The following PLA2G2C variants were observed in gnomAD, a reference collection of about 807,000 sequenced individuals.
PLA2G2C encodes phospholipase A2 group IIC, also known as putative inactive group IIC secretory phospholipase A2.
Under a neutral mutation model 14.3 loss-of-function variants are expected in PLA2G2C, and 15 were observed. That is an observed-to-expected ratio of 1.05 (90% CI 0.70 to 1.62). The LOEUF (loss-of-function observed/expected upper bound fraction) is 1.62. Among genes scored for constraint, PLA2G2C ranks in the 40% most tolerant of loss-of-function variants. PLA2G2C has a pLI of 0.00. For synonymous variants in PLA2G2C, 79 were observed against 67.7 expected (o/e 1.17, Z -0.82); for missense variants, 162 against 173.2 (o/e 0.94, Z 0.36).
intron 1 of PLA2G2C, chr1:20,184,209 AC>A (rs1209644640): frequency 6.6e-6 from 1 of 152,262 alleles, no homozygotes; most frequent in African/African-American, 2.4e-5. Flanking sequence ...ACACACACAC[AC>A]ACACACACAC....
At chr1:20,181,487 T>G (rs2018278409) in intron 1 of PLA2G2C, among the ~76,000 whole-genome samples, 1 of 151,784 alleles carries the variant, frequency 6.6e-6, no homozygotes, top group South Asian at 2.1e-4. Flanking sequence ...TAACCCCAGG[T>G]GCGTCTGACT....
At chr1:20,172,375 A>C (rs189194290) in intron 4 of PLA2G2C, among the ~76,000 whole-genome samples, 10 of 152,106 alleles carry the variant, frequency 6.6e-5, no homozygotes, top group Non-Finnish European at 2.9e-5. Context: ...CCCTGGCAGC[A>C]CCTATCTTAG....
chr1:20,175,865 C>T (rs113963081), intron 2 of PLA2G2C, among the ~76,000 whole-genome samples: 9 of 151,800 alleles, frequency 5.9e-5, no homozygotes, highest in African/African-American at 1.7e-4. Context: ...TACACGTCTC[C>T]GCTGTCTCAT....
At chr1:20,177,550 T>C (rs2018208434) in intron 1 of PLA2G2C, 111 bp from the exon 2 acceptor site, 3 of 442,662 alleles carry the variant, frequency 6.8e-6, no homozygotes. Flanking sequence ...CATTTTCAAA[T>C]CTCATTCCCT....
At chr1:20,166,869 T>C (rs897370374) in intron 4 of PLA2G2C, among the ~76,000 whole-genome samples, 37 of 152,212 alleles carry the variant, frequency 2.4e-4, no homozygotes, top group Non-Finnish European at 8.8e-5. Flanking sequence ...GTCACTTCTG[T>C]GGCATTCCTC....
chr1:20,182,660 T>C (rs939799051), intron 1 of PLA2G2C, among the ~76,000 whole-genome samples: 1 of 152,234 alleles, frequency 6.6e-6, no homozygotes, highest in African/African-American at 2.4e-5. Context: ...ACAGGAGCCA[T>C]GACTAACTGC....
intron 4 of PLA2G2C, among the ~76,000 whole-genome samples, chr1:20,170,789 G>A (rs1014637516): frequency 2.1e-5 from 3 of 143,190 alleles, no homozygotes; most frequent in African/African-American, 7.9e-5. Context: ...CCCTGGTCAA[G>A]GCTTCAGGAG....
chr1:20,184,951 CA>C (rs2018341587), intron 1 of PLA2G2C, among the ~76,000 whole-genome samples: 1 of 151,948 alleles, frequency 6.6e-6, no homozygotes, highest in East Asian at 1.9e-4. Context: ...CCCAAGACTT[CA>C]AGACCACCCT....
Position 20,176,673 on chromosome 1 carries a change from G to A in PLA2G2C, c.40+651C>T, listed in dbSNP as rs147538874. ...CAAAGTGTAAATTCCACCACTCACT[G>A]TGGGGAAAGGAAGTCTGTTTTTGAC... On this transcript the variant is annotated intron_variant, in intron 2 of 4. Transcript: ENST00000679259. Among the ~76,000 whole-genome samples the A allele has an allele frequency of 3.8e-3, 576 of 152,352 alleles. 3 individuals carry two copies. Among genetic ancestry groups the A allele is most frequent in the Non-Finnish European group, 7.0e-3 (478 of 68,030 alleles).
intron 4 of PLA2G2C, among the ~76,000 whole-genome samples, chr1:20,171,585 G>A (rs183918099): frequency 8.5e-5 from 13 of 152,158 alleles, no homozygotes; most frequent in East Asian, 1.9e-4. Context: ...TGTATCTCCC[G>A]CCATAGGGGA....
chr1:20,184,106 GGTACTGCTGACGTTAACTGCAT>G (rs1269989526), intron 1 of PLA2G2C: 2 of 152,250 alleles, frequency 1.3e-5, no homozygotes, highest in African/African-American at 4.8e-5. Flanking sequence ...GCAAAAGGCA[GGTACTGCTGACGTTAACTGCAT>G]GTACTGCTGA....
chr1:20,165,529 T>C (rs1481224394), intron 4 of PLA2G2C, among the ~76,000 whole-genome samples: 1 of 152,164 alleles, frequency 6.6e-6, no homozygotes, highest in Non-Finnish European at 1.5e-5. Context: ...ATAGAATCCA[T>C]GAATGAAGAA....
intron 4 of PLA2G2C, among the ~76,000 whole-genome samples, chr1:20,170,251 C>T (rs1314455706): frequency 6.6e-6 from 1 of 152,228 alleles, no homozygotes; most frequent in Non-Finnish European, 1.5e-5. Context: ...ACAACTCCGG[C>T]CAGACGGTAT....
At chr1:20,185,928 GGCAATCCACTCCAGGCTC>G (rs1219912522) in intron 1 of PLA2G2C, among the ~76,000 whole-genome samples, 1 of 152,208 alleles carries the variant, frequency 6.6e-6, no homozygotes, top group African/African-American at 2.4e-5. Flanking sequence ...CTCCAGGCCA[GGCAATCCACTCCAGGCTC>G]GCAATCCACC....
At chr1:20,174,589 C>G (rs141017009) in intron 3 of PLA2G2C, among the ~76,000 whole-genome samples, 2,552 of 152,352 alleles carry the variant, frequency 0.017, 39 homozygotes, top group Non-Finnish European at 0.028. Flanking sequence ...GAGGATGAAA[C>G]AGCTTCTAGA....
intron 1 of PLA2G2C, among the ~76,000 whole-genome samples, chr1:20,181,646 G>C (rs1291210405): frequency 6.6e-6 from 1 of 151,952 alleles, no homozygotes; most frequent in Non-Finnish European, 1.5e-5. Context: ...GTTCTAACAA[G>C]CTGCTCAGCT....
At chr1:20,183,716 C>T (rs2018314975) in intron 1 of PLA2G2C, among the ~76,000 whole-genome samples, 1 of 152,116 alleles carries the variant, frequency 6.6e-6, no homozygotes, top group African/African-American at 2.4e-5. Context: ...CTTGAAGGAT[C>T]AGTCATTTTG....
At chr1:20,185,825 G>GC (rs2018364787) in intron 1 of PLA2G2C, among the ~76,000 whole-genome samples, 1 of 152,180 alleles carries the variant, frequency 6.6e-6, no homozygotes, top group Non-Finnish European at 1.5e-5. Flanking sequence ...CCCGGCCAGG[G>GC]CTCTCCCTCT....
chr1:20,185,501 G>A (rs2018355670), intron 1 of PLA2G2C, among the ~76,000 whole-genome samples: 1 of 152,232 alleles, frequency 6.6e-6, no homozygotes, highest in Non-Finnish European at 1.5e-5. Flanking sequence ...GTGGCTGGAA[G>A]TGGAAGAGAT....
Sources: allele counts gnomAD v4.1 joint callset (sites outside exome capture counted in the v4.1 genomes callset), GRCh38; gene constraint gnomAD v4.1.1; transcripts MANE v1.5; gene names NCBI Gene and HGNC (gene_info 2026-07-23, HGNC 2026-07-21).